OR3A2: variants seen among roughly 807,000 people sequenced by gnomAD.
OR3A2 encodes olfactory receptor 3A2.
For missense variants in OR3A2, 318 were observed against 392.8 expected (o/e 0.81, Z 1.61); for synonymous variants, 126 against 159.3 (o/e 0.79, Z 1.57).
chr17:3,350,962 G>A (rs953131579), intron 2 of OR3A2, among the ~76,000 whole-genome samples: 1 of 151,650 alleles, frequency 6.6e-6, no homozygotes, highest in Non-Finnish European at 1.5e-5. Context: ...ATGCAGAAAA[G>A]GCCTTTGACA....
At chr17:3,357,520 G>A (rs2049473460) in intron 2 of OR3A2, among the ~76,000 whole-genome samples, 1 of 151,506 alleles carries the variant, frequency 6.6e-6, no homozygotes, top group Non-Finnish European at 1.5e-5. Flanking sequence ...CAAACTCAAA[G>A]AGACAAGGTA....
At chr17:3,285,574 C>A (rs565451273), upstream of OR3A2, among the ~76,000 whole-genome samples, 1 of 152,152 alleles carries the variant, frequency 6.6e-6, no homozygotes, top group South Asian at 2.1e-4. Flanking sequence ...ATCGCTTGAG[C>A]CCAGAAGTTC....
At chr17:3,334,757 T>C (rs955643088) in intron 3 of OR3A2, among the ~76,000 whole-genome samples, 17 of 152,224 alleles carry the variant, frequency 1.1e-4, no homozygotes, top group African/African-American at 3.9e-4. Flanking sequence ...TACAATCATC[T>C]ATCCATTTAT....
chr17:3,349,744 ACAC>A (rs1186195433), intron 2 of OR3A2, among the ~76,000 whole-genome samples: 1 of 151,272 alleles, frequency 6.6e-6, no homozygotes, highest in Non-Finnish European at 1.5e-5. Context: ...TTTCAGCACC[ACAC>A]CACACCTATT....
At chr17:3,309,903 C>T (rs5818892) in intron 3 of OR3A2, 8 of 182,762 alleles carry the variant, frequency 4.4e-5, no homozygotes, top group African/African-American at 7.1e-5. Flanking sequence ...CCTGCTTCCC[C>T]GAAGCTTCCC....
chr17:3,348,722 T>A (rs2049391771), intron 2 of OR3A2, among the ~76,000 whole-genome samples: 1 of 151,734 alleles, frequency 6.6e-6, no homozygotes, highest in South Asian at 2.1e-4. Context: ...CCAAAATACA[T>A]AATTGTCAGA....
chr17:3,330,468 G>A (rs2049221061), intron 3 of OR3A2, among the ~76,000 whole-genome samples: 1 of 152,004 alleles, frequency 6.6e-6, no homozygotes, highest in East Asian at 1.9e-4. Context: ...ATTATGTAAT[G>A]GCCTTCTTTG....
chr17:3,312,338 C>CT (rs1409493614), intron 3 of OR3A2, among the ~76,000 whole-genome samples: 1 of 152,080 alleles, frequency 6.6e-6, no homozygotes. Context: ...AAAGGCTCTA[C>CT]TTTAAGAAAT....
rs1013261602 is a variant in OR3A2, at chr17:3,370,625, T to C, written c.-179+13179A>G. On this transcript the variant is annotated intron_variant, in intron 2 of 4. Coordinates refer to the OR3A2 transcript ENST00000573491. ...GGTGTGAACTTAGATTGTCTATTTG[T>C]TCTTTCGGATTTTTTTTTTTATTGT... is the stretch of plus-strand genomic sequence containing the variant. 1.1e-4 allele frequency among the ~76,000 whole-genome samples: 13 copies of C among 116,124 alleles called. 1 individual carries two copies. The highest frequency in any genetic ancestry group is 1.7e-5 in the Non-Finnish European group (1 of 59,852). The allele number at this position is 116,124 out of a possible 152,430, so 76.2% of individuals were successfully genotyped here.
chr17:3,319,820 G>A (rs1401178776), intron 3 of OR3A2, among the ~76,000 whole-genome samples: 7 of 151,992 alleles, frequency 4.6e-5, no homozygotes, highest in South Asian at 2.1e-4. Flanking sequence ...ATTGTGAATA[G>A]TGCTGCAATA....
upstream of OR3A2, among the ~76,000 whole-genome samples, chr17:3,286,733 T>C (rs957570373): frequency 1.3e-5 from 2 of 152,230 alleles, no homozygotes; most frequent in African/African-American, 4.8e-5. Flanking sequence ...TTTTGAGAAG[T>C]GTCTGTTCAT....
rs1252472166 is a variant in OR3A2 at position 3,361,311 on chromosome 17, T to G, written c.-179+22493A>C. 5.3e-5 allele frequency among the ~76,000 whole-genome samples: 8 copies of G among 151,598 alleles called. 1 individual carries two copies. Among genetic ancestry groups the G allele is most frequent in the African/African-American group, 2.0e-4 (8 of 40,870 alleles). ...GTTGCTTATCAGCTTAAGGAGATTT[T>G]GGGCTGACATGATGGGGTTTTCTAG... On this transcript the variant is annotated intron_variant, in intron 2 of 4. Transcript: ENST00000573491.
At chr17:3,291,519 C>T in intron 3 of OR3A2, 1 of 727,636 alleles carries the variant, frequency 1.4e-6, no homozygotes, top group Non-Finnish European at 2.2e-6. Context: ...TACAAAAAGT[C>T]CTTCTTATGC....
chr17:3,321,644 GT>G (rs1165145226), intron 3 of OR3A2, among the ~76,000 whole-genome samples: 2 of 152,128 alleles, frequency 1.3e-5, no homozygotes, highest in Non-Finnish European at 2.9e-5. Context: ...TAATCACGTG[GT>G]TTTTGTCTTT....
At chr17:3,340,508 C>T (rs1024630222) in intron 2 of OR3A2, among the ~76,000 whole-genome samples, 2 of 152,166 alleles carry the variant, frequency 1.3e-5, no homozygotes, top group Admixed American at 6.5e-5. Flanking sequence ...TTTATTTCTG[C>T]CTTCATTTCA....
At chr17:3,373,693 T>C (rs1223125693) in intron 2 of OR3A2, among the ~76,000 whole-genome samples, 1 of 152,198 alleles carries the variant, frequency 6.6e-6, no homozygotes, top group African/African-American at 2.4e-5. Flanking sequence ...TCCTTATGCG[T>C]TAGGTGAGCC....
intron 2 of OR3A2, among the ~76,000 whole-genome samples, chr17:3,377,205 C>G (rs535830564): frequency 6.6e-6 from 1 of 152,212 alleles, no homozygotes; most frequent in Non-Finnish European, 1.5e-5. Context: ...ACACGGTGTT[C>G]TGTCCAACCA....
At chr17:3,358,448 T>G (rs2049481193) in intron 2 of OR3A2, among the ~76,000 whole-genome samples, 1 of 151,892 alleles carries the variant, frequency 6.6e-6, no homozygotes, top group East Asian at 1.9e-4. Flanking sequence ...TTGCTTTAGC[T>G]GTGTCCCAGA....
intron 2 of OR3A2, among the ~76,000 whole-genome samples, chr17:3,350,936 A>G (rs1036704267): frequency 7.3e-5 from 11 of 151,502 alleles, no homozygotes; most frequent in African/African-American, 2.2e-4. Context: ...CAAAAACCAC[A>G]TGATTATCTC....
Sources: gnomAD v4.1 joint callset for allele counts (sites outside exome capture counted in the v4.1 genomes callset) on GRCh38, gnomAD v4.1.1 for gene constraint, MANE v1.5 for transcripts, NCBI Gene and HGNC (gene_info 2026-07-23, HGNC 2026-07-21) for gene names.